The following RABAC1 variants were observed in gnomAD, a reference collection of about 807,000 sequenced individuals.
RABAC1 encodes Rab acceptor 1.
Under a neutral mutation model 22.9 loss-of-function variants are expected in RABAC1, and 16 were observed. That is an observed-to-expected ratio of 0.70 (90% CI 0.47 to 1.06). The LOEUF is 1.06. RABAC1 is among the 50% of genes least tolerant of loss of function. The pLI, the probability that RABAC1 is intolerant of heterozygous loss-of-function variation, is 0.00. For synonymous variants in RABAC1, 139 were observed against 107.7 expected, an observed-to-expected ratio of 1.29 and a Z score of -1.80; for missense variants, 227 against 246.5, an observed-to-expected ratio of 0.92 and a Z score of 0.53.
chr19:41,958,873 G>C lies in RABAC1; in HGVS notation c.132C>G (p.Pro44=). ...GCTGCTGGTCCACGAAGGTGCTCCA[G>C]GGCCGGATGGTCGCGCGGCGCCGCT... ...WLERRRATIR[P]WSTFVDQQRF... Residue 44 remains proline, a synonymous_variant, in exon 2 of 5, where the codon CCC becomes CCG. Transcript: ENST00000222008. The C allele has an allele frequency of 2.5e-6, 4 of 1,603,780 alleles. No homozygotes were observed. Among genetic ancestry groups the C allele is most frequent in the Non-Finnish European group, 3.4e-6 (4 of 1,178,328 alleles).
chr19:41,958,095 G>A, intron 3 of RABAC1, 191 bp downstream of exon 3: 1 of 577,392 alleles, frequency 1.7e-6, no homozygotes, highest in Non-Finnish European at 3.2e-6. Context: ...AATTTGAGGG[G>A]GCTGAGACTC....
At position 41,959,223 on chromosome 19, in the gene RABAC1, G is replaced by A; in HGVS notation, c.56+14C>T. 2 of 1,613,388 alleles carry A rather than the reference G, an allele frequency of 1.2e-6. No individual in the cohort carries two copies. Among genetic ancestry groups the A allele is most frequent in the Non-Finnish European group, 1.7e-6 (2 of 1,179,912 alleles). Reference sequence around the variant, plus strand: ...CGGGTCTCTGGTCCGAGGGCCTAGAGCCAGCTCGCTCACGTGCCGCTCAGC... The same window carrying A: ...CGGGTCTCTGGTCCGAGGGCCTAGAACCAGCTCGCTCACGTGCCGCTCAGC... On this transcript the variant is annotated intron_variant, in intron 1 of 4. Coordinates refer to ENST00000222008, the MANE Select transcript of RABAC1 (RefSeq NM_006423.3).
In RABAC1 at chr19:41,958,768, C is replaced by A. The variant is rs2075001958; in HGVS notation, c.237G>T (p.Val79=). ...ACAGGATGAGGCCCAGGAACACGAA[C>A]ACATAGTTGCTCTGGTAGTACTCCA... ...RNVEYYQSNY[V]FVFLGLILYC... Residue 79 remains valine, a synonymous_variant, in exon 2 of 5, where the codon GTG becomes GTT. Transcript: ENST00000222008. 1 of 1,613,174 alleles carries A rather than the reference C, an allele frequency of 6.2e-7. No homozygotes were observed.
In RABAC1 at chr19:41,957,315, C is replaced by T. The variant is rs183753240; in HGVS notation, c.368-196G>A. The T allele has an allele frequency of 9.0e-4, 522 of 583,190 alleles. 2 individuals carry two copies. In the African/African-American group the frequency reaches 9.4e-3, roughly 10 times the overall value. The allele number at this position is 583,190 out of a possible 1,614,324, so 36.1% of individuals were successfully genotyped here. On this transcript the variant is annotated intron_variant, in intron 3 of 4. Transcript: ENST00000222008. ...CACTGCCCTCCAGAACACAGCACAC[C>T]GTCCTCGCCTGCCTCAGCCCCACCC...
intron 3 of RABAC1, among the ~76,000 whole-genome samples, chr19:41,957,662 C>T (rs1300620688): frequency 6.6e-6 from 1 of 152,200 alleles, no homozygotes; most frequent in African/African-American, 2.4e-5. Context: ...CCACCCCAGC[C>T]CATCAAGCAC....
In RABAC1 at chr19:41,959,163, G is replaced by A. The variant is rs374093991; in HGVS notation, c.56+74C>T. On this transcript the variant is annotated intron_variant, in intron 1 of 4. Coordinates refer to ENST00000222008, the MANE Select transcript of RABAC1 (RefSeq NM_006423.3). ...GGGGCTGGGACTCCAGGCTCTCGAG[G>A]GAGGAGGGAGGAGGGGGCCGGGGGC... The A allele has an allele frequency of 3.0e-4, 473 of 1,588,722 alleles. 5 individuals are homozygous for A. In the African/African-American group the frequency reaches 5.7e-3, roughly 19 times the overall value.
In RABAC1 at chr19:41,956,926, G is replaced by C; in HGVS notation, c.478C>G (p.Leu160Val). 1 of 1,612,762 alleles carries C rather than the reference G, an allele frequency of 6.2e-7. No individual in the cohort carries two copies. ...SAVFWVLGAT[L>V]VVIGSHAAFH... ...GCAGCGTGGGAGCCGATGACCACCA[G>C]GGTGGCTCCTGCAGGAAAGCCGGCA... The change falls in exon 5 of 5, where the codon CTG becomes GTG. Residue 160 changes from leucine to valine, a missense_variant. By Grantham distance (32) the Leu-to-Val change is conservative. Transcript: ENST00000222008.
chr19:41,956,743 T>A lies in RABAC1; in HGVS notation c.*103A>T. 9.3e-7 allele frequency: 1 copy of A among 1,074,876 alleles called. No individual in the cohort carries two copies. The highest frequency in any genetic ancestry group is 3.1e-4 in the Middle Eastern group (1 of 3,212). 66.6% of individuals were successfully genotyped at this position (1,074,876 alleles called of 1,614,324 possible). ...AAGGCGGGATCCCTCCCCGGGCTTG[T>A]GATGGGACGGCGCTGTGGGCCCGAG... On this transcript the variant is annotated 3_prime_UTR_variant, in exon 5 of 5. Transcript: ENST00000222008.
intron 3 of RABAC1, chr19:41,957,816 C>T (rs989045463): frequency 7.9e-5 from 13 of 165,020 alleles, no homozygotes; most frequent in South Asian, 4.1e-4. Context: ...CTTGGTACTA[C>T]TAGTCTGGGA....
intron 1 of RABAC1, 34 bp from the exon 2 acceptor site, chr19:41,958,982 G>A (rs2075003351): frequency 1.3e-6 from 2 of 1,521,968 alleles, no homozygotes; most frequent in East Asian, 4.9e-5. Flanking sequence ...GTGGTGGACC[G>A]GGATGGAGCC....
chr19:41,957,954 G>GTCC, intron 3 of RABAC1: 1 of 317,214 alleles, frequency 3.2e-6, no homozygotes, highest in South Asian at 2.8e-5. Flanking sequence ...GGTGTCCAGT[G>GTCC]TGGGCACCTG....
At position 41,959,230 on chromosome 19, in the gene RABAC1, C is replaced by T. The variant is rs782333034; in HGVS notation, c.56+7G>A. The T allele has an allele frequency of 2.5e-5, 40 of 1,613,326 alleles. No homozygotes were observed. Among genetic ancestry groups the T allele is most frequent in the Middle Eastern group, 1.6e-4 (1 of 6,082 alleles). On this transcript the variant is annotated splice_region_variant and intron_variant, in intron 1 of 4. Coordinates refer to ENST00000222008, the MANE Select transcript of RABAC1 (RefSeq NM_006423.3). ...CTGGTCCGAGGGCCTAGAGCCAGCT[C>T]GCTCACGTGCCGCTCAGCCCTTCCG... is the stretch of plus-strand genomic sequence containing the variant.
intron 3 of RABAC1, chr19:41,957,769 G>A (rs1214223867): frequency 6.2e-6 from 1 of 160,146 alleles, no homozygotes; most frequent in African/African-American, 2.4e-5. Flanking sequence ...TTTCCCCTGG[G>A]GGGAATTTCC....
rs782247702 is a variant in RABAC1, at chr19:41,958,945, G to A, written c.60C>T (p.Thr20=). Residue 20 remains threonine (T), a synonymous_variant, in exon 2 of 5, where the codon ACC becomes ACT. Coordinates refer to ENST00000222008, the MANE Select transcript of RABAC1 (RefSeq NM_006423.3). ...DAEAEGLSGT[T]LLPKLIPSGA... ...CGGAGGGAATCAGCTTCGGCAGCAG[G>A]GTCCTGCGGGGGGTGGGGCCGGGTC... The A allele has an allele frequency of 6.4e-7, 1 of 1,566,908 alleles. No homozygotes were observed. The highest frequency in any genetic ancestry group is 8.6e-7 in the Non-Finnish European group (1 of 1,160,720).
chr19:41,957,315 C>G, intron 3 of RABAC1, 196 bp from the exon 4 acceptor site: 1 of 583,190 alleles, frequency 1.7e-6, no homozygotes, highest in South Asian at 2.0e-5. Flanking sequence ...CACAGCACAC[C>G]GTCCTCGCCT....
Position 41,959,217 on chromosome 19 carries a change from C to T in RABAC1, c.56+20G>A. On this transcript the variant is annotated intron_variant, in intron 1 of 4. Transcript: ENST00000222008. ...GACTCCCGGGTCTCTGGTCCGAGGGCCTAGAGCCAGCTCGCTCACGTGCCG... is the reference window on the plus strand; with the variant it reads ...GACTCCCGGGTCTCTGGTCCGAGGGTCTAGAGCCAGCTCGCTCACGTGCCG... 2 of 1,613,184 alleles carry T rather than the reference C, an allele frequency of 1.2e-6. No homozygotes were observed. Among genetic ancestry groups the T allele is most frequent in the Non-Finnish European group, 1.7e-6 (2 of 1,179,886 alleles).
chr19:41,958,687 G>T, intron 2 of RABAC1, 49 bp downstream of exon 2: 1 of 1,566,020 alleles, frequency 6.4e-7, no homozygotes, highest in Non-Finnish European at 8.7e-7. Context: ...GAGAGGAGGG[G>T]TCCAGCCGGT....
intron 4 of RABAC1, 33 bp from the exon 5 acceptor site, chr19:41,956,967 C>T (rs782687693): frequency 1.9e-6 from 3 of 1,612,976 alleles, no homozygotes; most frequent in East Asian, 4.5e-5. Context: ...GGGCCACACT[C>T]CTGCACCTGG....
chr19:41,958,976 T>C, intron 1 of RABAC1, 28 bp from the exon 2 acceptor site: 1 of 1,527,362 alleles, frequency 6.5e-7, no homozygotes, highest in Admixed American at 2.0e-5. Context: ...GGGTCAGTGG[T>C]GGACCGGGAT....
Sources: allele counts gnomAD v4.1 joint callset (sites outside exome capture counted in the v4.1 genomes callset), GRCh38; gene constraint gnomAD v4.1.1; transcripts MANE v1.5; gene names NCBI Gene and HGNC (gene_info 2026-07-23, HGNC 2026-07-21).